The following CENPQ variants were observed in gnomAD, a reference collection of about 807,000 sequenced individuals.
The protein encoded by CENPQ is centromere protein Q, also known as chromosome 6 open reading frame 139.
A neutral mutation model predicts 36.6 loss-of-function variants in CENPQ; 27 were observed. The observed-to-expected ratio is 0.74, with a 90% CI of 0.54 to 1.02. CENPQ has a LOEUF of 1.02. CENPQ is among the 50% of genes least tolerant of loss of function. CENPQ has a pLI of 0.00. For synonymous variants in CENPQ, 101 were observed against 101.7 expected, an observed-to-expected ratio of 0.99 and a Z score of 0.04; for missense variants, 306 against 301.8, an observed-to-expected ratio of 1.01 and a Z score of -0.10.
chr6:49,473,035 A>G (rs537085649), intron 5 of CENPQ, among the ~76,000 whole-genome samples, 177 bp downstream of exon 5: 2 of 152,214 alleles, frequency 1.3e-5, no homozygotes, highest in Middle Eastern at 6.8e-3. Flanking sequence ...TGTTTCTCAA[A>G]TAAGTTTCAG....
intron 6 of CENPQ, among the ~76,000 whole-genome samples, chr6:49,483,404 C>T (rs1212971670): frequency 6.6e-6 from 1 of 152,192 alleles, no homozygotes; most frequent in African/African-American, 2.4e-5. Flanking sequence ...GCCTGCCAGT[C>T]CTGTGCTGTG....
rs1768097254 is a variant in CENPQ, at chr6:49,470,254, G to A, written c.78G>A (p.Glu26=). 1 of 1,601,664 alleles carries A rather than the reference G, an allele frequency of 6.2e-7. No homozygotes were observed. Among genetic ancestry groups the A allele is most frequent in the Non-Finnish European group, 8.5e-7 (1 of 1,171,548 alleles). The part of the protein sequence containing the change: ...KRNPKRKKDN[E]EVVLSENKVR... ...ATCCAAAGAGAAAAAAGGATAATGAGGAAGTTGTGTTGTCAGAGAATAAGG... is the reference window on the plus strand; with the variant it reads ...ATCCAAAGAGAAAAAAGGATAATGAAGAAGTTGTGTTGTCAGAGAATAAGG... The change falls in exon 2 of 9, where the codon GAG becomes GAA. Residue 26 remains glutamate (E), a synonymous_variant. Transcript: ENST00000335783.
At chr6:49,478,276 T>C (rs779731319) in intron 5 of CENPQ, among the ~76,000 whole-genome samples, 2 of 152,214 alleles carry the variant, frequency 1.3e-5, no homozygotes, top group Non-Finnish European at 2.9e-5. Context: ...AAAAGTAACC[T>C]ATGGTGAATT....
At position 49,472,795 on chromosome 6, in the gene CENPQ, T is replaced by C; in HGVS notation, c.284T>C (p.Ile95Thr). ...QTMMESVIMT[I>T]LSNSIKEKEE... ...CATCTTTTTTTCTTTTCTAGGACAA[T>C]TTTGAGTAACAGTATTAAAGAAAAA... Residue 95 changes from isoleucine (I) to threonine (T), a missense_variant, in exon 5 of 9, where the codon ATT becomes ACT. By Grantham distance (89) the Ile-to-Thr change is moderately conservative. Transcript: ENST00000335783. The C allele has an allele frequency of 6.9e-7, 1 of 1,448,014 alleles. No homozygotes were observed. The highest frequency in any genetic ancestry group is 9.3e-7 in the Non-Finnish European group (1 of 1,070,556). The allele number at this position is 1,448,014 out of a possible 1,614,324, so 89.7% of individuals were successfully genotyped here.
intron 6 of CENPQ, among the ~76,000 whole-genome samples, chr6:49,485,113 T>C (rs1053668054): frequency 3.9e-5 from 6 of 152,214 alleles, no homozygotes; most frequent in African/African-American, 1.2e-4. Flanking sequence ...GAGTTCTCCA[T>C]TGGCATAAGA....
In CENPQ at chr6:49,488,328, GT is replaced by G. The variant is rs761202102; in HGVS notation, c.478-16del. On this transcript the variant is annotated intron_variant, in intron 6 of 8. Coordinates refer to ENST00000335783, the MANE Select transcript of CENPQ (RefSeq NM_018132.4). Reference sequence around the variant, plus strand: ...TATAATAATGTGTTTAAGTTAAAATGTTTTTTTTCTCTTTCTGACTCAGGAA... The same window carrying G: ...TATAATAATGTGTTTAAGTTAAAATGTTTTTTTCTCTTTCTGACTCAGGAA... 173 of 1,543,384 alleles carry G rather than the reference GT, an allele frequency of 1.1e-4. 1 individual carries two copies. Among genetic ancestry groups the G allele is most frequent in the South Asian group, 7.1e-4 (59 of 83,398 alleles).
At chr6:49,483,745 T>G (rs1475178501) in intron 6 of CENPQ, among the ~76,000 whole-genome samples, 2 of 152,224 alleles carry the variant, frequency 1.3e-5, no homozygotes, top group Non-Finnish European at 1.5e-5. Context: ...CACCTGGAAC[T>G]ACAGCTGACC....
Position 49,470,268 on chromosome 6 carries a change from C to A in CENPQ, c.92C>A (p.Ser31Ter). Residue 31 changes from serine to a stop codon, truncating the protein, a stop_gained, in exon 2 of 9, where the codon TCA becomes TAA. Coordinates refer to ENST00000335783, the MANE Select transcript of CENPQ (RefSeq NM_018132.4). LOFTEE classifies it high-confidence loss of function. ...RKKDNEEVVL[S>*]ENKVRNTVKK... ...AAGGATAATGAGGAAGTTGTGTTGT[C>A]AGAGAATAAGGTAATGAAAATATCA... is the stretch of plus-strand genomic sequence containing the variant. 6.3e-7 allele frequency: 1 copy of A among 1,576,542 alleles called. No homozygotes were observed. The highest frequency in any genetic ancestry group is 1.1e-5 in the South Asian group (1 of 89,584).
rs767715165 is a variant in CENPQ, at chr6:49,470,211, C to G, written c.35C>G (p.Ala12Gly). Residue 12 changes from alanine (A) to glycine (G), a missense_variant, in exon 2 of 9, where the codon GCT (alanine) becomes GGT (glycine). By Grantham distance (60) the Ala-to-Gly change is moderately conservative (BLOSUM62 0). Coordinates refer to ENST00000335783, the MANE Select transcript of CENPQ (RefSeq NM_018132.4). ...SGKANASKKN[A>G]QQLKRNPKRK... ...AAAGCAAATGCTTCCAAGAAAAACGCTCAACAGTTAAAAAGAAATCCAAAG... is the reference window on the plus strand; with the variant it reads ...AAAGCAAATGCTTCCAAGAAAAACGGTCAACAGTTAAAAAGAAATCCAAAG... 5 of 1,608,518 alleles carry G rather than the reference C, an allele frequency of 3.1e-6. No individual in the cohort carries two copies. The East Asian group carries it at 1.1e-4, about 36-fold the overall frequency.
At chr6:49,482,792 G>T (rs1768473372) in intron 6 of CENPQ, among the ~76,000 whole-genome samples, 1 of 152,098 alleles carries the variant, frequency 6.6e-6, no homozygotes, top group Admixed American at 6.5e-5. Context: ...TGAAGCCACA[G>T]ACCCTCGTGG....
intron 5 of CENPQ, among the ~76,000 whole-genome samples, chr6:49,476,981 A>G (rs985898727): frequency 3.3e-5 from 5 of 152,224 alleles, no homozygotes; most frequent in Admixed American, 6.5e-5. Context: ...GGGACTGTAA[A>G]CTAGTTCAAC....
At chr6:49,484,379 A>G (rs948950331) in intron 6 of CENPQ, among the ~76,000 whole-genome samples, 1 of 152,234 alleles carries the variant, frequency 6.6e-6, no homozygotes. Context: ...CATCCTGTGG[A>G]AGATAATAGG....
intron 6 of CENPQ, among the ~76,000 whole-genome samples, chr6:49,482,039 G>A (rs375247871): frequency 1.3e-5 from 2 of 152,152 alleles, no homozygotes; most frequent in African/African-American, 2.4e-5. Flanking sequence ...GGGGGACCCA[G>A]TACACCCCCC....
chr6:49,488,380 C>T lies in CENPQ; in HGVS notation c.506C>T (p.Thr169Ile). ...GAAATAGATAAAATGGTAGAGACCA[C>T]AGAGTTAATGACTGGGAATATTCAG... is the stretch of plus-strand genomic sequence containing the variant. ...QEEIDKMVET[T>I]ELMTGNIQSL... Residue 169 changes from threonine (T) to isoleucine (I), a missense_variant, in exon 7 of 9, where the codon ACA becomes ATA. Transcript: ENST00000335783. The T allele has an allele frequency of 2.5e-6, 4 of 1,610,448 alleles. No homozygotes were observed. The highest frequency in any genetic ancestry group is 3.4e-6 in the Non-Finnish European group (4 of 1,177,704).
intron 6 of CENPQ, among the ~76,000 whole-genome samples, chr6:49,484,391 G>A (rs1452348242): frequency 6.6e-6 from 1 of 152,188 alleles, no homozygotes. Flanking sequence ...GATAATAGGA[G>A]ATAACCTTAT....
rs138475035 is a variant in CENPQ at position 49,470,376 on chromosome 6, G to C, written c.102+98G>C. ...CCCAGCACTTTGGGAGGCCGAGGTG[G>C]GTGGATCACGAGGTCAGGAGATCGA... On this transcript the variant is annotated intron_variant, in intron 2 of 8. Coordinates refer to ENST00000335783, the MANE Select transcript of CENPQ (RefSeq NM_018132.4). The C allele has an allele frequency of 1.9e-3, 1,209 of 637,862 alleles. 9 individuals carry two copies. Among genetic ancestry groups the C allele is most frequent in the African/African-American group, 0.019 (977 of 51,964 alleles). The allele number at this position is 637,862 out of a possible 1,614,324, so 39.5% of individuals were successfully genotyped here.
At chr6:49,489,850 C>G (rs1768675720) in intron 8 of CENPQ, among the ~76,000 whole-genome samples, 1 of 152,198 alleles carries the variant, frequency 6.6e-6, no homozygotes, top group South Asian at 2.1e-4. Context: ...CTTTTCTGAG[C>G]AGTAGCTCTT....
chr6:49,468,588 C>G (rs1347768670), intron 1 of CENPQ, among the ~76,000 whole-genome samples: 3 of 151,882 alleles, frequency 2.0e-5, no homozygotes, highest in Non-Finnish European at 4.4e-5. Context: ...CAGTGCAAGA[C>G]TTCTTAAAAA....
At chr6:49,482,096 AGGGCCAGCCAGCTGCTCCGAGTGTG>A (rs1336696056) in intron 6 of CENPQ, among the ~76,000 whole-genome samples, 1 of 152,140 alleles carries the variant, frequency 6.6e-6, no homozygotes, top group East Asian at 1.9e-4. Context: ...TGGGGCTGGC[AGGGCCAGCCAGCTGCTCCGAGTGTG>A]GGGCCTGCCA....
Sources: gnomAD v4.1 joint callset for allele counts (sites outside exome capture counted in the v4.1 genomes callset) on GRCh38, gnomAD v4.1.1 for gene constraint, MANE v1.5 for transcripts, NCBI Gene and HGNC (gene_info 2026-07-23, HGNC 2026-07-21) for gene names.